DGKG: variants seen among roughly 807,000 people sequenced by gnomAD.
DGKG encodes the protein diacylglycerol kinase gamma.
A neutral mutation model predicts 105.3 loss-of-function variants in DGKG; 78 were observed. The ratio of observed to expected loss-of-function variants is 0.74; its 90% CI spans 0.62 to 0.89. The LOEUF is 0.89. DGKG is among the 40% of genes least tolerant of loss of function. The pLI is 0.00. For synonymous variants in DGKG, 346 were observed against 367.1 expected (o/e 0.94, Z 0.66); for missense variants, 958 against 1,020.1 (o/e 0.94, Z 0.83).
At chr3:186,240,986 G>A (rs781541318) in intron 20 of DGKG, among the ~76,000 whole-genome samples, 3 of 152,250 alleles carry the variant, frequency 2.0e-5, no homozygotes, top group East Asian at 1.9e-4. Flanking sequence ...GGAAGTACAC[G>A]TGTTCCTAGT....
intron 6 of DGKG, among the ~76,000 whole-genome samples, chr3:186,287,635 T>C (rs1003690725): frequency 6.6e-5 from 10 of 152,196 alleles, no homozygotes; most frequent in African/African-American, 2.4e-4. Flanking sequence ...ATGCTGGAAA[T>C]AATTTGATGT....
At chr3:186,277,326 G>A (rs535605786) in intron 9 of DGKG, among the ~76,000 whole-genome samples, 14 of 152,200 alleles carry the variant, frequency 9.2e-5, no homozygotes, top group East Asian at 1.9e-4. Context: ...GTTTGTTGAC[G>A]TGGAAGGAGG....
intron 1 of DGKG, among the ~76,000 whole-genome samples, chr3:186,329,674 G>C (rs747745804): frequency 6.6e-6 from 1 of 152,174 alleles, no homozygotes; most frequent in South Asian, 2.1e-4. Flanking sequence ...GTGGAAAGTC[G>C]CAACTTGACA....
intron 1 of DGKG, among the ~76,000 whole-genome samples, chr3:186,325,595 C>T (rs1292508273): frequency 6.6e-6 from 1 of 152,006 alleles, no homozygotes; most frequent in Non-Finnish European, 1.5e-5. Flanking sequence ...TTTTCTAATT[C>T]CATCATTCCC....
chr3:186,160,883 G>A (rs368007661), intron 24 of DGKG: 24 of 985,306 alleles, frequency 2.4e-5, no homozygotes, highest in Non-Finnish European at 2.8e-5. Flanking sequence ...GAGAGCTAAC[G>A]GATATGGTAA....
chr3:186,291,622 GA>G (rs1395944044), intron 5 of DGKG, among the ~76,000 whole-genome samples: 1 of 150,938 alleles, frequency 6.6e-6, no homozygotes, highest in East Asian at 2.0e-4. Context: ...TACATGGAGT[GA>G]AAAAAGGCAG....
At chr3:186,350,669 G>A (rs1726586269) in intron 1 of DGKG, among the ~76,000 whole-genome samples, 1 of 152,188 alleles carries the variant, frequency 6.6e-6, no homozygotes, top group African/African-American at 2.4e-5. Flanking sequence ...CCACTGTGCT[G>A]TTTTCCATAG....
At chr3:186,312,853 C>T (rs1724621373) in intron 2 of DGKG, among the ~76,000 whole-genome samples, 1 of 152,224 alleles carries the variant, frequency 6.6e-6, no homozygotes, top group Non-Finnish European at 1.5e-5. Context: ...CTCAGAGCAG[C>T]ACGTGGGAAG....
At chr3:186,271,314 G>C (rs1445127434) in intron 11 of DGKG, among the ~76,000 whole-genome samples, 1 of 152,090 alleles carries the variant, frequency 6.6e-6, no homozygotes, top group African/African-American at 2.4e-5. Flanking sequence ...CCATCACCAT[G>C]TCCTGGTCCT....
At chr3:186,329,674 G>A (rs747745804) in intron 1 of DGKG, among the ~76,000 whole-genome samples, 4 of 152,174 alleles carry the variant, frequency 2.6e-5, no homozygotes, top group East Asian at 1.9e-4. Flanking sequence ...GTGGAAAGTC[G>A]CAACTTGACA....
At chr3:186,304,229 C>T (rs1724117172) in intron 3 of DGKG, among the ~76,000 whole-genome samples, 1 of 152,238 alleles carries the variant, frequency 6.6e-6, no homozygotes, top group Non-Finnish European at 1.5e-5. Flanking sequence ...AGGCTTTGTT[C>T]CCGTGTTTTT....
intron 1 of DGKG, among the ~76,000 whole-genome samples, chr3:186,338,743 C>T (rs1164143045): frequency 6.6e-6 from 1 of 151,978 alleles, no homozygotes; most frequent in East Asian, 1.9e-4. Flanking sequence ...TCTAGGTCTG[C>T]TTCTTTCTAT....
At chr3:186,258,990 A>G (rs560544190) in intron 16 of DGKG, among the ~76,000 whole-genome samples, 1 of 152,334 alleles carries the variant, frequency 6.6e-6, no homozygotes, top group Non-Finnish European at 1.5e-5. Context: ...CCTAAGGTCA[A>G]TATTTCCAAT....
intron 20 of DGKG, among the ~76,000 whole-genome samples, chr3:186,217,734 C>T (rs1307550049): frequency 6.6e-6 from 1 of 152,256 alleles, no homozygotes; most frequent in Non-Finnish European, 1.5e-5. Flanking sequence ...ACTTTACCAG[C>T]AGAGGCTACG....
At chr3:186,239,162 G>A (rs1720557780) in intron 20 of DGKG, among the ~76,000 whole-genome samples, 1 of 152,102 alleles carries the variant, frequency 6.6e-6, no homozygotes, top group Admixed American at 6.5e-5. Context: ...CCGGTTTCCT[G>A]GTAAGTGTTC....
chr3:186,281,017 G>T, intron 7 of DGKG: 1 of 318,998 alleles, frequency 3.1e-6, no homozygotes. Flanking sequence ...CTTATTCTGT[G>T]CTTTAACTTG....
At position 186,148,904 on chromosome 3, in the gene DGKG, A is replaced by G; in HGVS notation, c.*1186T>C. On this transcript the variant is annotated 3_prime_UTR_variant, in exon 25 of 25. Transcript: ENST00000265022. ...CTTTTTCCTTACCACTTTCTGTCTC[A>G]TACTACCTATGTTTTTTTTTTCCAA... The G allele has an allele frequency of 2.0e-6, 2 of 980,796 alleles. No individual in the cohort carries two copies. The highest frequency in any genetic ancestry group is 5.3e-4 in the Middle Eastern group (1 of 1,900). The allele number at this position is 980,796 out of a possible 1,614,324, so 60.8% of individuals were successfully genotyped here.
rs544581735 is a variant in DGKG, at chr3:186,343,644, G to A, written c.-249+18302C>T. On this transcript the variant is annotated intron_variant, in intron 1 of 24. Coordinates refer to ENST00000265022, the MANE Select transcript of DGKG (RefSeq NM_001346.3). ...ATATATTCCACAAACTATCAACAGCGTGAGCATGATACTAGTCTTAGCTAA... is the reference window on the plus strand; with the variant it reads ...ATATATTCCACAAACTATCAACAGCATGAGCATGATACTAGTCTTAGCTAA... 7.2e-5 allele frequency among the ~76,000 whole-genome samples: 11 copies of A among 152,054 alleles called. No homozygotes were observed. In the East Asian group the frequency reaches 1.2e-3, roughly 16 times the overall value.
chr3:186,172,360 G>T (rs1351705921), intron 22 of DGKG, among the ~76,000 whole-genome samples: 5 of 152,192 alleles, frequency 3.3e-5, no homozygotes, highest in Admixed American at 6.5e-5. Context: ...GGCTGCCATG[G>T]AGCAGCCCAG....
Sources: allele counts gnomAD v4.1 joint callset (sites outside exome capture counted in the v4.1 genomes callset), GRCh38; gene constraint gnomAD v4.1.1; transcripts MANE v1.5; gene names NCBI Gene and HGNC (gene_info 2026-07-23, HGNC 2026-07-21).